GRM8: variants seen among roughly 807,000 people sequenced by gnomAD.
GRM8 encodes metabotropic glutamate receptor 8.
A neutral mutation model predicts 87.2 loss-of-function variants in GRM8; 47 were observed. The observed-to-expected ratio is 0.54, with a 90% CI of 0.43 to 0.69. The LOEUF (loss-of-function observed/expected upper bound fraction) is 0.69, where lower values mean the gene tolerates loss of function less well. Ranked by LOEUF, GRM8 falls within the 30% of genes least tolerant of loss-of-function variation. The pLI is 0.00. For missense variants in GRM8, 1,019 were observed against 1,139.2 expected, an observed-to-expected ratio of 0.89 and a Z score of 1.52; for synonymous variants, 396 against 404.5, an observed-to-expected ratio of 0.98 and a Z score of 0.25.
intron 3 of GRM8, among the ~76,000 whole-genome samples, chr7:126,943,986 T>C (rs1489128000): frequency 6.6e-6 from 1 of 152,244 alleles, no homozygotes; most frequent in African/African-American, 2.4e-5. Context: ...TATATTAATA[T>C]TTTTCTGTCT....
At chr7:126,556,360 A>AAAAAT (rs1281383848) in intron 8 of GRM8, among the ~76,000 whole-genome samples, 4 of 149,454 alleles carry the variant, frequency 2.7e-5, no homozygotes, top group African/African-American at 9.9e-5. Context: ...AAAAAAAAAA[A>AAAAAT]AGTGGGCCAG....
chr7:127,251,915 C>T (rs1352769810), intron 1 of GRM8, among the ~76,000 whole-genome samples: 1 of 152,200 alleles, frequency 6.6e-6, no homozygotes, highest in African/African-American at 2.4e-5. Context: ...CGTGCTAACT[C>T]GGAGAACGCA....
At chr7:127,090,917 TC>T (rs1164060927) in intron 3 of GRM8, 3 of 152,304 alleles carry the variant, frequency 2.0e-5, no homozygotes, top group Admixed American at 2.0e-4. Flanking sequence ...ACCTGCCATG[TC>T]CATCTATTCC....
intron 3 of GRM8, among the ~76,000 whole-genome samples, chr7:127,097,219 G>T (rs747878125): frequency 1.3e-5 from 2 of 152,310 alleles, no homozygotes; most frequent in African/African-American, 4.8e-5. Context: ...GATGAGGCAA[G>T]ATACCCCAAA....
intron 6 of GRM8, among the ~76,000 whole-genome samples, chr7:126,859,383 T>C (rs992381705): frequency 2.0e-5 from 3 of 152,208 alleles, no homozygotes; most frequent in African/African-American, 7.2e-5. Context: ...TGAGGTATGA[T>C]GGACCAAGAT....
intron 7 of GRM8, among the ~76,000 whole-genome samples, chr7:126,761,347 A>G (rs1284120055): frequency 6.6e-6 from 1 of 152,140 alleles, no homozygotes; most frequent in Non-Finnish European, 1.5e-5. Flanking sequence ...AAGTTAAGAT[A>G]CTTCTTTGGT....
At chr7:127,202,203 A>G (rs372865101) in intron 2 of GRM8, among the ~76,000 whole-genome samples, 1 of 128,870 alleles carries the variant, frequency 7.8e-6, no homozygotes, top group Admixed American at 7.7e-5. Context: ...AAAAAAAAAA[A>G]GGGTCTCACT....
intron 7 of GRM8, among the ~76,000 whole-genome samples, chr7:126,611,803 T>C (rs1303329825): frequency 6.6e-6 from 1 of 152,216 alleles, no homozygotes; most frequent in Non-Finnish European, 1.5e-5. Flanking sequence ...ATTCCTAATG[T>C]GTTAGCTGTT....
intron 3 of GRM8, among the ~76,000 whole-genome samples, chr7:126,969,265 A>T (rs1287216043): frequency 6.6e-6 from 1 of 152,172 alleles, no homozygotes; most frequent in Non-Finnish European, 1.5e-5. Context: ...TACTTCATTG[A>T]CTGACTCTTC....
chr7:127,138,305 C>T (rs1828056226), intron 2 of GRM8, among the ~76,000 whole-genome samples: 1 of 152,056 alleles, frequency 6.6e-6, no homozygotes, highest in African/African-American at 2.4e-5. Flanking sequence ...TACCCAGAGG[C>T]TCGAATATTC....
At chr7:126,649,279 T>G (rs1803523228) in intron 7 of GRM8, among the ~76,000 whole-genome samples, 1 of 152,272 alleles carries the variant, frequency 6.6e-6, no homozygotes, top group African/African-American at 2.4e-5. Context: ...AGACCCACCC[T>G]TAATATGGGT....
rs188978476 is a variant in GRM8 at position 126,846,972 on chromosome 7, G to C, written c.1156+55570C>G. Among the ~76,000 whole-genome samples, 361 of 152,210 alleles carry C rather than the reference G, an allele frequency of 2.4e-3. 3 individuals carry two copies. Among genetic ancestry groups the C allele is most frequent in the African/African-American group, 8.5e-3 (351 of 41,536 alleles). Reference sequence around the variant, plus strand: ...CTCCATTTATTAAATATAATCATAAGAAAGGCATGACTTATGCCTATTTTT... The same window carrying C: ...CTCCATTTATTAAATATAATCATAACAAAGGCATGACTTATGCCTATTTTT... On this transcript the variant is annotated intron_variant, in intron 6 of 10. Transcript: ENST00000339582.
intron 1 of GRM8, among the ~76,000 whole-genome samples, chr7:127,245,636 T>C (rs1446537385): frequency 6.6e-6 from 1 of 152,186 alleles, no homozygotes; most frequent in Non-Finnish European, 1.5e-5. Flanking sequence ...TCTCATAGCT[T>C]TGTTTGGAGC....
intron 6 of GRM8, among the ~76,000 whole-genome samples, chr7:126,879,107 G>A (rs1329048974): frequency 1.3e-5 from 2 of 148,228 alleles, no homozygotes; most frequent in Non-Finnish European, 3.0e-5. Context: ...AGGTTGCAGT[G>A]AGCCAAGACG....
At chr7:126,851,898 C>T (rs147372796) in intron 6 of GRM8, among the ~76,000 whole-genome samples, 2,304 of 152,198 alleles carry the variant, frequency 0.015, 39 homozygotes, top group Non-Finnish European at 0.019. Context: ...TCTCCTAACC[C>T]CCATAGGGAC....
chr7:127,102,905 C>G (rs1825437113), intron 3 of GRM8, among the ~76,000 whole-genome samples: 1 of 152,226 alleles, frequency 6.6e-6, no homozygotes, highest in African/African-American at 2.4e-5. Flanking sequence ...AGCTTGAACC[C>G]AGGTTGAAGT....
rs554926279 is a variant in GRM8 at position 126,671,933 on chromosome 7, G to A, written c.1358-62435C>T. ...ATGACAAGGAGTCCATGCGACCCCC[G>A]CTGAGACACATTTTTGTCTGAAACT... On this transcript the variant is annotated intron_variant, in intron 7 of 10. Coordinates refer to ENST00000339582, the MANE Select transcript of GRM8 (RefSeq NM_000845.3). Among the ~76,000 whole-genome samples the A allele has an allele frequency of 1.2e-4, 19 of 152,142 alleles. No homozygotes were observed. The South Asian group carries it at 2.7e-3, about 22-fold the overall frequency.
intron 2 of GRM8, among the ~76,000 whole-genome samples, chr7:127,149,586 A>G (rs571297179): frequency 6.6e-6 from 1 of 152,100 alleles, no homozygotes; most frequent in African/African-American, 2.4e-5. Context: ...AAATAAAATC[A>G]CCACTTTGTA....
intron 3 of GRM8, among the ~76,000 whole-genome samples, chr7:127,093,573 A>T (rs1444463930): frequency 6.6e-6 from 1 of 152,238 alleles, no homozygotes; most frequent in Non-Finnish European, 1.5e-5. Flanking sequence ...TCGTATGACC[A>T]TAAGTACCAA....
Sources: allele counts gnomAD v4.1 joint callset (sites outside exome capture counted in the v4.1 genomes callset), GRCh38; gene constraint gnomAD v4.1.1; transcripts MANE v1.5; gene names NCBI Gene and HGNC (gene_info 2026-07-23, HGNC 2026-07-21).